Variants in CACNA2D4 observed in about 807,000 individuals in gnomAD.
The protein encoded by CACNA2D4 is calcium voltage-gated channel auxiliary subunit alpha2delta 4.
CACNA2D4 carries 157 observed loss-of-function variants against 163.8 expected under a neutral mutation model. The observed-to-expected ratio is 0.96, with a 90% CI of 0.84 to 1.09. CACNA2D4 has a LOEUF of 1.09. Ranked by LOEUF, CACNA2D4 falls within the 50% of genes least tolerant of loss-of-function variation. The pLI is 0.00. For synonymous variants in CACNA2D4, 598 were observed against 586.9 expected (o/e 1.02, Z -0.27); for missense variants, 1,410 against 1,479.9 (o/e 0.95, Z 0.78).
In CACNA2D4 at chr12:1,874,765, C is replaced by T; in HGVS notation, c.1807-90G>A. 2 of 937,128 alleles carry T rather than the reference C, an allele frequency of 2.1e-6. No individual in the cohort carries two copies. Among genetic ancestry groups the T allele is most frequent in the Admixed American group, 3.8e-5 (2 of 52,660 alleles). 58.1% of individuals were successfully genotyped at this position (937,128 alleles called of 1,614,324 possible). On this transcript the variant is annotated intron_variant, in intron 17 of 37. Transcript: ENST00000382722. The surrounding 1 kb of genome is among the most constrained non-coding windows in gnomAD (Gnocchi z 4.4). ...CTTCAGACCAGATTAGAGGTGATCC[C>T]CAGAAACACTTTTGGTTCTTCCCTT...
At position 1,833,936 on chromosome 12, in the gene CACNA2D4, T is replaced by C. The variant is rs1465156238; in HGVS notation, c.2551+6803A>G. Reference sequence around the variant, plus strand: ...GGAACCTCCCCATGTTAGCACTGCCTTACTCTGTGGGTCCGTTTGGCCTGG... The same window carrying C: ...GGAACCTCCCCATGTTAGCACTGCCCTACTCTGTGGGTCCGTTTGGCCTGG... On this transcript the variant is annotated intron_variant, in intron 26 of 37. Transcript: ENST00000382722. The surrounding 1 kb of genome is among the most constrained non-coding windows in gnomAD (Gnocchi z 4.2). 6.6e-6 allele frequency among the ~76,000 whole-genome samples: 1 copy of C among 152,164 alleles called. No homozygotes were observed. Among genetic ancestry groups the C allele is most frequent in the Admixed American group, 6.5e-5 (1 of 15,282 alleles).
At position 1,844,425 on chromosome 12, in the gene CACNA2D4, T is replaced by G; in HGVS notation, c.2447A>C (p.Asn816Thr). 1 of 1,613,476 alleles carries G rather than the reference T, an allele frequency of 6.2e-7. No individual in the cohort carries two copies. Among genetic ancestry groups the G allele is most frequent in the Non-Finnish European group, 8.5e-7 (1 of 1,179,768 alleles). The part of the protein sequence containing the change: ...SEHPAGSFVF[N>T]LRWAEGPESA... ...ACCTGGTCCTTCTGCCCAGCGGAGG[T>G]TGAAGACGAAGCTGCCAGCAGGATG... Residue 816 changes from asparagine (N) to threonine (T), a missense_variant, in exon 25 of 38, where the codon AAC (asparagine) becomes ACC (threonine). Physicochemically the swap from Asn to Thr is moderately conservative, Grantham distance 65. Coordinates refer to ENST00000382722, the MANE Select transcript of CACNA2D4 (RefSeq NM_172364.5). The surrounding 1 kb of genome is among the most constrained non-coding windows in gnomAD (Gnocchi z 4.2).
chr12:1,846,212 G>C (rs1294756490), intron 24 of CACNA2D4, among the ~76,000 whole-genome samples: 1 of 152,186 alleles, frequency 6.6e-6, no homozygotes, highest in African/African-American at 2.4e-5. Context: ...AGCCCAGAGA[G>C]GAAAGCAATT....
Position 1,907,505 on chromosome 12 carries a change from T to G in CACNA2D4, c.716A>C (p.Gln239Pro). ...ALNAVFVENFQRDPTLTWQYF... is the reference protein window; with the variant it reads ...ALNAVFVENFPRDPTLTWQYF... The stretch of plus-strand genomic sequence containing the variant: ...TTGCCAGGTCAACGTTGGGTCTCTC[T>G]GGAAGTTCTCCACGAAGACAGCATT... Residue 239 changes from glutamine to proline, a missense_variant, in exon 6 of 38, where the codon CAG (glutamine) becomes CCG (proline). Gln to Pro is a moderately conservative substitution (Grantham distance 76). Coordinates refer to ENST00000382722, the MANE Select transcript of CACNA2D4 (RefSeq NM_172364.5). 1 of 1,613,892 alleles carries G rather than the reference T, an allele frequency of 6.2e-7. No individual in the cohort carries two copies.
At chr12:1,877,074 G>A (rs932561770) in intron 16 of CACNA2D4, among the ~76,000 whole-genome samples, 12 of 152,000 alleles carry the variant, frequency 7.9e-5, no homozygotes, top group African/African-American at 1.7e-4. Flanking sequence ...TTTTGTAATC[G>A]TGTCCTGTGT....
intron 3 of CACNA2D4, among the ~76,000 whole-genome samples, chr12:1,911,523 T>C (rs1343425790): frequency 6.6e-6 from 1 of 151,986 alleles, no homozygotes; most frequent in African/African-American, 2.4e-5. Context: ...AGCCTACAGA[T>C]CCTAGGATAA....
chr12:1,840,960 G>A lies in CACNA2D4; in HGVS notation c.2471-141C>T, dbSNP rs1432930559. ...AGAATTGAGGCGAGGGTGGGGACAGGGGTTGTGTTTGGAGAAGTTGCTGCT... is the reference window on the plus strand; with the variant it reads ...AGAATTGAGGCGAGGGTGGGGACAGAGGTTGTGTTTGGAGAAGTTGCTGCT... On this transcript the variant is annotated intron_variant, in intron 25 of 37. Transcript: ENST00000382722. The A allele has an allele frequency of 4.1e-6, 3 of 739,794 alleles. No individual in the cohort carries two copies. In the East Asian group the frequency reaches 8.0e-5, roughly 20 times the overall value. 45.8% of individuals were successfully genotyped at this position (739,794 alleles called of 1,614,324 possible).
At chr12:1,850,428 C>G (rs1454667280) in intron 23 of CACNA2D4, among the ~76,000 whole-genome samples, 1 of 152,202 alleles carries the variant, frequency 6.6e-6, no homozygotes, top group East Asian at 1.9e-4. Flanking sequence ...TACTTTCCCT[C>G]TAAGGTAGTT....
intron 6 of CACNA2D4, among the ~76,000 whole-genome samples, chr12:1,899,401 A>G (rs964686624): frequency 7.2e-5 from 11 of 152,144 alleles, no homozygotes; most frequent in African/African-American, 2.7e-4. Context: ...GACTAACAAA[A>G]TAAAGAAATC....
At chr12:1,805,573 C>A (rs762039708) in intron 29 of CACNA2D4, among the ~76,000 whole-genome samples, 2 of 152,204 alleles carry the variant, frequency 1.3e-5, no homozygotes, top group African/African-American at 2.4e-5. Flanking sequence ...GTCCTCCAGG[C>A]TGCAGTCTCT....
chr12:1,865,674 A>G (rs1865635373), intron 18 of CACNA2D4, among the ~76,000 whole-genome samples: 1 of 152,150 alleles, frequency 6.6e-6, no homozygotes, highest in African/African-American at 2.4e-5. Context: ...CAGCAGCACC[A>G]GGGGCAGCCG....
In CACNA2D4 at chr12:1,878,329, C is replaced by A; in HGVS notation, c.1705G>T (p.Asp569Tyr). ...TNNGYILSHP[D>Y]LRPLYREGKK... ...TCTGTACCTACCAGGGGCCGGAGGTCGGGATGGGAGAGGATGTAGCCATTG... is the reference window on the plus strand; with the variant it reads ...TCTGTACCTACCAGGGGCCGGAGGTAGGGATGGGAGAGGATGTAGCCATTG... Residue 569 changes from aspartate (D) to tyrosine (Y), a missense_variant, in exon 16 of 38, where the codon GAC becomes TAC. Asp to Tyr is a radical substitution (Grantham distance 160). Coordinates refer to ENST00000382722, the MANE Select transcript of CACNA2D4 (RefSeq NM_172364.5). The surrounding 1 kb of genome is among the most constrained non-coding windows in gnomAD (Gnocchi z 4.6). 6.2e-7 allele frequency: 1 copy of A among 1,609,540 alleles called. No homozygotes were observed. Among genetic ancestry groups the A allele is most frequent in the Non-Finnish European group, 8.5e-7 (1 of 1,178,230 alleles).
At position 1,834,411 on chromosome 12, in the gene CACNA2D4, C is replaced by T; in HGVS notation, c.2551+6328G>A. The stretch of plus-strand genomic sequence containing the variant: ...GCTGGGCTGGATATTCCTGGGCCAC[C>T]CTGCACCAAGGCCAGTCCAGAGCCT... On this transcript the variant is annotated intron_variant, in intron 26 of 37. Coordinates refer to ENST00000382722, the MANE Select transcript of CACNA2D4 (RefSeq NM_172364.5). The surrounding 1 kb of genome is among the most constrained non-coding windows in gnomAD (Gnocchi z 7.6). The T allele has an allele frequency of 6.2e-7, 1 of 1,613,038 alleles. No individual in the cohort carries two copies.
At position 1,856,190 on chromosome 12, in the gene CACNA2D4, C is replaced by T. The variant is rs757399477; in HGVS notation, c.2048G>A (p.Gly683Asp). 6.2e-7 allele frequency: 1 copy of T among 1,613,930 alleles called. No individual in the cohort carries two copies. Among genetic ancestry groups the T allele is most frequent in the East Asian group, 2.2e-5 (1 of 44,904 alleles). ...DLLHPDLALA[G>D]DWIYCITDID... ...TTTTTTACTCCTCACTTACCAGTCACCGGCCAGGGCCAGGTCTGGGTGAAG... is the reference window on the plus strand; with the variant it reads ...TTTTTTACTCCTCACTTACCAGTCATCGGCCAGGGCCAGGTCTGGGTGAAG... Residue 683 changes from glycine to aspartate, a missense_variant, in exon 21 of 38, where the codon GGT (glycine) becomes GAT (aspartate). Gly to Asp is a moderately conservative substitution (Grantham distance 94). Coordinates refer to ENST00000382722, the MANE Select transcript of CACNA2D4 (RefSeq NM_172364.5).
In CACNA2D4 at chr12:1,872,227, A is replaced by G. The variant is rs1215906223; in HGVS notation, c.1878+2377T>C. Among the ~76,000 whole-genome samples the G allele has an allele frequency of 2.6e-5, 4 of 152,296 alleles. 1 individual carries two copies. The East Asian group carries it at 7.7e-4, about 29-fold the overall frequency. On this transcript the variant is annotated intron_variant, in intron 18 of 37. Transcript: ENST00000382722. ...TCCTGCAGATGGTGTGTGTTCTCTC[A>G]TCTGCCACAGTTCCCAGAGCCCCCT... is the stretch of plus-strand genomic sequence containing the variant.
At position 1,918,511 on chromosome 12, in the gene CACNA2D4, C is replaced by T; in HGVS notation, c.-38G>A. 3 of 1,516,502 alleles carry T rather than the reference C, an allele frequency of 2.0e-6. No homozygotes were observed. Among genetic ancestry groups the T allele is most frequent in the Non-Finnish European group, 2.7e-6 (3 of 1,120,934 alleles). The allele number at this position is 1,516,502 out of a possible 1,614,324, so 93.9% of individuals were successfully genotyped here. A position where few individuals can be genotyped will look rare whatever the true frequency, so the allele number is the denominator to read the frequency against. On this transcript the variant is annotated 5_prime_UTR_variant, in exon 1 of 38. Transcript: ENST00000382722. The stretch of plus-strand genomic sequence containing the variant: ...CCTTCCTCCCAGACCCCAGGACGCC[C>T]CAGGCCTTTGTCTTCCGTGCCTTGG...
chr12:1,821,631 C>G (rs557559105), intron 26 of CACNA2D4, among the ~76,000 whole-genome samples: 35 of 152,176 alleles, frequency 2.3e-4, no homozygotes, highest in Non-Finnish European at 4.3e-4. Context: ...GGGGGGTACA[C>G]AGCGGGGCCA....
chr12:1,846,680 T>C lies in CACNA2D4; in HGVS notation c.2256A>G (p.Glu752=). ...ALALNMSEES[E]HVVDMAFLGT... is the part of the protein sequence containing the mutation. ...CCAGGAAGGCCATGTCCACCACGTG[T>C]TCAGACTCCCTGTGTGGCAGACAGA... Residue 752 remains glutamate, a synonymous_variant, in exon 24 of 38, where the codon GAA becomes GAG. Transcript: ENST00000382722. 6.3e-7 allele frequency: 1 copy of C among 1,598,018 alleles called. No homozygotes were observed.
At chr12:1,830,856 G>A (rs951345217) in intron 26 of CACNA2D4, 9 of 1,215,074 alleles carry the variant, frequency 7.4e-6, no homozygotes, top group Non-Finnish European at 1.0e-5. Context: ...CCTGTTATGA[G>A]CTAGAAAGGA....
Sources: allele counts gnomAD v4.1 joint callset (sites outside exome capture counted in the v4.1 genomes callset), GRCh38; gene constraint gnomAD v4.1.1; non-coding constraint Gnocchi (gnomAD v3.1); transcripts MANE v1.5; gene names NCBI Gene and HGNC (gene_info 2026-07-23, HGNC 2026-07-21).